CYP2C19: variants seen among roughly 807,000 people sequenced by gnomAD.
CYP2C19 encodes the protein cytochrome P450 2C19.
Under a neutral mutation model 40.9 loss-of-function variants are expected in CYP2C19, and 59 were observed. The observed-to-expected ratio is 1.44, with a 90% CI of 1.17 to 1.79. CYP2C19 has a LOEUF of 1.79. Among genes scored for constraint, CYP2C19 ranks in the 40% most tolerant of loss-of-function variants. CYP2C19 has a pLI of 0.00. For synonymous variants in CYP2C19, 253 were observed against 208.7 expected (o/e 1.21, Z -1.83); for missense variants, 754 against 596.9 (o/e 1.26, Z -2.74).
intron 5 of CYP2C19, among the ~76,000 whole-genome samples, chr10:94,783,154 G>A (rs1339325484): frequency 6.6e-6 from 1 of 151,984 alleles, no homozygotes; most frequent in East Asian, 1.9e-4. Flanking sequence ...ACAAAATGCA[G>A]GTTTTAGGTG....
At chr10:94,785,352 G>A (rs1451892748) in intron 5 of CYP2C19, among the ~76,000 whole-genome samples, 1 of 151,932 alleles carries the variant, frequency 6.6e-6, no homozygotes, top group African/African-American at 2.4e-5. Context: ...AGTGAGGTAG[G>A]GTAGGTCCCA....
In CYP2C19 at chr10:94,830,330, G is replaced by A. The variant is rs190787476; in HGVS notation, c.961+9693G>A. Among the ~76,000 whole-genome samples, 722 of 152,324 alleles carry A rather than the reference G, an allele frequency of 4.7e-3. 4 individuals are homozygous for A. Among genetic ancestry groups the A allele is most frequent in the African/African-American group, 0.017 (694 of 41,572 alleles). On this transcript the variant is annotated intron_variant, in intron 6 of 8. Transcript: ENST00000371321. ...AGACTCCGTGGGCGTAGGACCCTCCGAGCCAGGTGCGGGATATAATCTCGT... is the reference window on the plus strand; with the variant it reads ...AGACTCCGTGGGCGTAGGACCCTCCAAGCCAGGTGCGGGATATAATCTCGT...
chr10:94,842,402 T>TG (rs1019590356), intron 6 of CYP2C19, among the ~76,000 whole-genome samples: 1 of 151,004 alleles, frequency 6.6e-6, no homozygotes, highest in East Asian at 1.9e-4. Flanking sequence ...AGTTTTTTTT[T>TG]TTTTTTTTTT....
At chr10:94,785,299 T>G (rs1357405956) in intron 5 of CYP2C19, among the ~76,000 whole-genome samples, 4 of 152,112 alleles carry the variant, frequency 2.6e-5, no homozygotes, top group Admixed American at 2.6e-4. Flanking sequence ...AGCCCTTATA[T>G]TTAAGTTTTT....
At chr10:94,827,463 G>C (rs1351671255) in intron 6 of CYP2C19, among the ~76,000 whole-genome samples, 1 of 152,024 alleles carries the variant, frequency 6.6e-6, no homozygotes, top group East Asian at 1.9e-4. Flanking sequence ...GGTGTTTGTA[G>C]TATTCTCTGA....
chr10:94,820,253 A>G (rs1006665180), intron 5 of CYP2C19, among the ~76,000 whole-genome samples: 2 of 151,984 alleles, frequency 1.3e-5, no homozygotes, highest in African/African-American at 4.8e-5. Flanking sequence ...AAATAATAAG[A>G]GCTATCTATG....
chr10:94,804,966 G>A (rs1184399113), intron 5 of CYP2C19, among the ~76,000 whole-genome samples: 1 of 151,986 alleles, frequency 6.6e-6, no homozygotes, highest in East Asian at 1.9e-4. Flanking sequence ...TATTGTATGA[G>A]ATTTTTCTAT....
At chr10:94,818,240 T>A (rs1849044108) in intron 5 of CYP2C19, among the ~76,000 whole-genome samples, 1 of 140,272 alleles carries the variant, frequency 7.1e-6, no homozygotes, top group Non-Finnish European at 1.6e-5. Context: ...TTCTGTTCCA[T>A]TGATCTATAT....
chr10:94,768,349 C>T (rs367851396), intron 1 of CYP2C19, among the ~76,000 whole-genome samples: 21 of 152,190 alleles, frequency 1.4e-4, no homozygotes, highest in African/African-American at 4.1e-4. Context: ...GAACTTCCTT[C>T]GGTATATAGG....
At chr10:94,765,944 A>G (rs1372324986) in intron 1 of CYP2C19, among the ~76,000 whole-genome samples, 1 of 151,934 alleles carries the variant, frequency 6.6e-6, no homozygotes, top group Non-Finnish European at 1.5e-5. Context: ...ATTTGTAGTT[A>G]CAAGGCTGTG....
rs192529971 is a variant in CYP2C19 at position 94,809,064 on chromosome 10, G to T, written c.820-11432G>T. 1.6e-3 allele frequency among the ~76,000 whole-genome samples: 240 copies of T among 152,196 alleles called. 1 individual carries two copies. Among genetic ancestry groups the T allele is most frequent in the Non-Finnish European group, 2.8e-3 (187 of 67,976 alleles). Reference sequence around the variant, plus strand: ...AAATTTCCACAAAAAATATATGAGGGTTCCTTTTTCTTCACATCCTTACCA... The same window carrying T: ...AAATTTCCACAAAAAATATATGAGGTTTCCTTTTTCTTCACATCCTTACCA... On this transcript the variant is annotated intron_variant, in intron 5 of 8. Transcript: ENST00000371321.
intron 5 of CYP2C19, among the ~76,000 whole-genome samples, chr10:94,817,138 C>T (rs899417225): frequency 6.8e-6 from 1 of 147,000 alleles, no homozygotes; most frequent in Non-Finnish European, 1.5e-5. Flanking sequence ...ATTCTAGATC[C>T]CTGAGGAATC....
intron 6 of CYP2C19, among the ~76,000 whole-genome samples, chr10:94,840,955 T>A (rs11188094): frequency 6.6e-6 from 1 of 152,368 alleles, no homozygotes; most frequent in East Asian, 1.9e-4. Flanking sequence ...GAACAGCTAG[T>A]GAAAGTGGTC....
At chr10:94,821,595 G>A (rs941601735) in intron 6 of CYP2C19, among the ~76,000 whole-genome samples, 7 of 151,964 alleles carry the variant, frequency 4.6e-5, no homozygotes, top group African/African-American at 1.7e-4. Context: ...GAATATTTTT[G>A]GGGGGGCCAA....
chr10:94,834,290 G>A (rs1025404321), intron 6 of CYP2C19, among the ~76,000 whole-genome samples: 57 of 152,088 alleles, frequency 3.7e-4, no homozygotes, highest in Non-Finnish European at 4.3e-4. Context: ...TTGGCATATA[G>A]TTGCTCATAG....
In CYP2C19 at chr10:94,853,502, C is replaced by T. The variant is rs1849686209; in HGVS notation, c.*588C>T. 6.6e-6 allele frequency among the ~76,000 whole-genome samples: 1 copy of T among 150,546 alleles called. No homozygotes were observed. Among genetic ancestry groups the T allele is most frequent in the Non-Finnish European group, 1.5e-5 (1 of 67,888 alleles). Reference sequence around the variant, plus strand: ...ACCTCTAGGGAAATATTCAGAGGATCAGGTATTGGGAGGAATGGATATTAA... The same window carrying T: ...ACCTCTAGGGAAATATTCAGAGGATTAGGTATTGGGAGGAATGGATATTAA... On this transcript the variant is annotated 3_prime_UTR_variant, in exon 9 of 9. Transcript: ENST00000371321.
rs1258276871 is a variant in CYP2C19 at position 94,854,225 on chromosome 10, GC to G, written c.*1313del. On this transcript the variant is annotated 3_prime_UTR_variant, in exon 9 of 9. Transcript: ENST00000371321. ...GTAGAGACAGGGTTTCACTATGTGG[GC>G]CAGGCTAGTCTTGAACTCCTGACCT... Among the ~76,000 whole-genome samples the G allele has an allele frequency of 4.0e-5, 6 of 151,714 alleles. No homozygotes were observed. The highest frequency in any genetic ancestry group is 1.5e-4 in the African/African-American group (6 of 41,288).
intron 5 of CYP2C19, among the ~76,000 whole-genome samples, chr10:94,797,277 T>A (rs1429784540): frequency 6.6e-6 from 1 of 152,180 alleles, no homozygotes; most frequent in Non-Finnish European, 1.5e-5. Context: ...TGGTTCTGTT[T>A]ATATGCTGGA....
Position 94,813,473 on chromosome 10 carries a change from A to C in CYP2C19, c.820-7023A>C, listed in dbSNP as rs185853068. ...ACTGTTGCCTGTCTTTCACAGATGCAACTGCTCAGAGAGTAGGAATCTAGA... is the reference window on the plus strand; with the variant it reads ...ACTGTTGCCTGTCTTTCACAGATGCCACTGCTCAGAGAGTAGGAATCTAGA... On this transcript the variant is annotated intron_variant, in intron 5 of 8. Coordinates refer to ENST00000371321, the MANE Select transcript of CYP2C19 (RefSeq NM_000769.4). Among the ~76,000 whole-genome samples, 564 of 152,066 alleles carry C rather than the reference A, an allele frequency of 3.7e-3. 7 individuals are homozygous for C. The highest frequency in any genetic ancestry group is 0.012 in the African/African-American group (512 of 41,382).
Sources: gnomAD v4.1 joint callset for allele counts (sites outside exome capture counted in the v4.1 genomes callset) on GRCh38, gnomAD v4.1.1 for gene constraint, MANE v1.5 for transcripts, NCBI Gene and HGNC (gene_info 2026-07-23, HGNC 2026-07-21) for gene names.